Variants in KIRREL3 observed in about 807,000 individuals in gnomAD.
KIRREL3 encodes kin of IRRE-like protein 3.
KIRREL3 carries 36 observed loss-of-function variants against 89.7 expected under a neutral mutation model. That is an observed-to-expected ratio of 0.40 (90% CI 0.31 to 0.53). KIRREL3 has a LOEUF of 0.53. Among genes scored for constraint, KIRREL3 ranks in the 20% least tolerant of loss-of-function variants. The pLI, the probability that KIRREL3 is intolerant of heterozygous loss-of-function variation, is 0.49. For missense variants in KIRREL3, 864 were observed against 1,056.6 expected, an observed-to-expected ratio of 0.82 and a Z score of 2.53; for synonymous variants, 445 against 441.4, an observed-to-expected ratio of 1.01 and a Z score of -0.10.
intron 1 of KIRREL3, among the ~76,000 whole-genome samples, chr11:126,826,177 T>G (rs1181804966): frequency 6.6e-6 from 1 of 152,166 alleles, no homozygotes; most frequent in Non-Finnish European, 1.5e-5. Flanking sequence ...GTGTGGTCAT[T>G]AAGTTAACAC....
At chr11:126,722,199 C>A (rs543525879) in intron 1 of KIRREL3, among the ~76,000 whole-genome samples, 1 of 152,354 alleles carries the variant, frequency 6.6e-6, no homozygotes, top group African/African-American at 2.4e-5. Flanking sequence ...CAGTCATCAG[C>A]CCTTGGCTGA....
chr11:126,882,536 A>T (rs930047275), intron 1 of KIRREL3, among the ~76,000 whole-genome samples: 12 of 151,984 alleles, frequency 7.9e-5, no homozygotes, highest in African/African-American at 2.9e-4. Context: ...GTACAAAGAG[A>T]TAGTCTGGAG....
intron 1 of KIRREL3, among the ~76,000 whole-genome samples, chr11:126,680,632 A>G (rs1226868916): frequency 1.3e-5 from 2 of 152,126 alleles, no homozygotes; most frequent in Non-Finnish European, 2.9e-5. Context: ...TATCTGGAGT[A>G]ATTGCCTTAA....
At chr11:126,982,994 C>T (rs1284072214) in intron 1 of KIRREL3, among the ~76,000 whole-genome samples, 1 of 152,186 alleles carries the variant, frequency 6.6e-6, no homozygotes, top group African/African-American at 2.4e-5. Flanking sequence ...ATCTCTCCCC[C>T]ATGGGACCCA....
At chr11:126,894,269 C>T (rs747834631) in intron 1 of KIRREL3, among the ~76,000 whole-genome samples, 1 of 152,132 alleles carries the variant, frequency 6.6e-6, no homozygotes, top group Non-Finnish European at 1.5e-5. Flanking sequence ...TAAGTTTCTA[C>T]TCACTTGAAG....
chr11:126,424,395 CAG>C lies in KIRREL3; in HGVS notation c.*183_*184del. On this transcript the variant is annotated 3_prime_UTR_variant, in exon 17 of 17. Transcript: ENST00000525144. ...TCCCCACCCGCCCACCTCTGGCACACAGCACCTGGGGACCCAGATTTGTGCTT... is the reference window on the plus strand; with the variant it reads ...TCCCCACCCGCCCACCTCTGGCACACCACCTGGGGACCCAGATTTGTGCTT... 1 of 494,076 alleles carries C rather than the reference CAG, an allele frequency of 2.0e-6. No individual in the cohort carries two copies. The highest frequency in any genetic ancestry group is 3.7e-6 in the Non-Finnish European group (1 of 269,980). 30.6% of individuals were successfully genotyped at this position (494,076 alleles called of 1,614,324 possible). A position where few individuals can be genotyped will look rare whatever the true frequency, so the allele number is the denominator to read the frequency against.
chr11:126,769,458 C>T lies in KIRREL3; in HGVS notation c.56-206546G>A, dbSNP rs746309838. On this transcript the variant is annotated intron_variant, in intron 1 of 16. Coordinates refer to ENST00000525144, the MANE Select transcript of KIRREL3 (RefSeq NM_032531.4). This position sits in a 1 kb window ranked among gnomAD's most constrained non-coding sequence, Gnocchi z 4.3. The stretch of plus-strand genomic sequence containing the variant: ...AGATATTGCCATCAAGAAGAGGGGC[C>T]CACTCCCCGTGAAAACCGTGCACTC... Among the ~76,000 whole-genome samples the T allele has an allele frequency of 1.3e-5, 2 of 152,070 alleles. No homozygotes were observed. The highest frequency in any genetic ancestry group is 6.6e-5 in the Admixed American group (1 of 15,260).
rs1422934966 is a variant in KIRREL3 at position 126,574,879 on chromosome 11, C to A, written c.56-11967G>T. ...AGGAATGAATAGTACGAGAAAATACCTGGGTCCACACTGGCAATTCCTGGG... is the reference window on the plus strand; with the variant it reads ...AGGAATGAATAGTACGAGAAAATACATGGGTCCACACTGGCAATTCCTGGG... On this transcript the variant is annotated intron_variant, in intron 1 of 16. Coordinates refer to ENST00000525144, the MANE Select transcript of KIRREL3 (RefSeq NM_032531.4). This position sits in a 1 kb window ranked among gnomAD's most constrained non-coding sequence, Gnocchi z 5.3. Among the ~76,000 whole-genome samples, 1 of 152,168 alleles carries A rather than the reference C, an allele frequency of 6.6e-6. No individual in the cohort carries two copies. The highest frequency in any genetic ancestry group is 2.4e-5 in the African/African-American group (1 of 41,434).
At chr11:126,584,449 C>T (rs1388587835) in intron 1 of KIRREL3, among the ~76,000 whole-genome samples, 3 of 152,206 alleles carry the variant, frequency 2.0e-5, no homozygotes, top group Non-Finnish European at 2.9e-5. Flanking sequence ...GGATGGGCCC[C>T]TTTCTTCCCC....
intron 1 of KIRREL3, among the ~76,000 whole-genome samples, chr11:126,949,146 A>G (rs1948704677): frequency 6.6e-6 from 1 of 152,220 alleles, no homozygotes; most frequent in Non-Finnish European, 1.5e-5. Context: ...CTTTCTAAAT[A>G]TGAATTTGCT....
At position 126,705,086 on chromosome 11, in the gene KIRREL3, T is replaced by TAA. The variant is rs1280329952; in HGVS notation, c.56-142176_56-142175dup. ...GCTCAAGACATAGGTTTGGTTTTCT[T>TAA]AAAAAAAGGTTTTCTTAATTCAAAA... On this transcript the variant is annotated intron_variant, in intron 1 of 16. Transcript: ENST00000525144. The surrounding 1 kb of genome is among the most constrained non-coding windows in gnomAD (Gnocchi z 4.3). Among the ~76,000 whole-genome samples, 2 of 152,106 alleles carry TAA rather than the reference T, an allele frequency of 1.3e-5. No homozygotes were observed. The highest frequency in any genetic ancestry group is 4.8e-5 in the African/African-American group (2 of 41,412).
At chr11:126,451,117 G>GTGTGTGTGCATGTGCA (rs1265001487) in intron 7 of KIRREL3, among the ~76,000 whole-genome samples, 1 of 148,528 alleles carries the variant, frequency 6.7e-6, no homozygotes, top group African/African-American at 2.6e-5. Flanking sequence ...GTGTGCATGT[G>GTGTGTGTGCATGTGCA]TGTGTGTGCA....
chr11:126,758,674 T>C (rs1311350764), intron 1 of KIRREL3, among the ~76,000 whole-genome samples: 1 of 152,228 alleles, frequency 6.6e-6, no homozygotes, highest in Non-Finnish European at 1.5e-5. Context: ...TACGAACATC[T>C]AAATTATGAC....
rs1441986425 is a variant in KIRREL3, at chr11:126,876,502, C to T, written c.55+123953G>A. Among the ~76,000 whole-genome samples, 2 of 151,808 alleles carry T rather than the reference C, an allele frequency of 1.3e-5. No homozygotes were observed. The highest frequency in any genetic ancestry group is 2.9e-5 in the Non-Finnish European group (2 of 67,986). Reference sequence around the variant, plus strand: ...CACTGTTGCACCTGATACACCTATCCTAGTGCTTGGCTTACAGTACATACT... The same window carrying T: ...CACTGTTGCACCTGATACACCTATCTTAGTGCTTGGCTTACAGTACATACT... On this transcript the variant is annotated intron_variant, in intron 1 of 16. Coordinates refer to ENST00000525144, the MANE Select transcript of KIRREL3 (RefSeq NM_032531.4). This position sits in a 1 kb window ranked among gnomAD's most constrained non-coding sequence, Gnocchi z 4.1.
rs9326284 is a variant in KIRREL3, at chr11:126,748,143, G to C, written c.56-185231C>G. Among the ~76,000 whole-genome samples the C allele has an allele frequency of 0.56, 85,194 of 151,998 alleles. 24,603 individuals carry two copies. Among genetic ancestry groups the C allele is most frequent in the East Asian group, 0.96 (4,922 of 5,148 alleles). On this transcript the variant is annotated intron_variant, in intron 1 of 16. Transcript: ENST00000525144. This position sits in a 1 kb window ranked among gnomAD's most constrained non-coding sequence, Gnocchi z 4.6. Reference sequence around the variant, plus strand: ...GCTGAATTGTTTTTATGTTATTCCCGTTCCAGTGACTTCAGAGGTGGCCCA... The same window carrying C: ...GCTGAATTGTTTTTATGTTATTCCCCTTCCAGTGACTTCAGAGGTGGCCCA...
intron 1 of KIRREL3, among the ~76,000 whole-genome samples, chr11:126,700,038 A>T (rs548522663): frequency 6.6e-6 from 1 of 152,230 alleles, no homozygotes; most frequent in South Asian, 2.1e-4. Flanking sequence ...TACAAAAAAT[A>T]AAAAAATTCA....
intron 1 of KIRREL3, among the ~76,000 whole-genome samples, chr11:126,914,180 C>T (rs2134929383): frequency 6.6e-6 from 1 of 152,336 alleles, no homozygotes. Context: ...GGTGCTATGC[C>T]TGTGGCCAGG....
At chr11:126,505,830 A>G (rs1269407572) in intron 4 of KIRREL3, among the ~76,000 whole-genome samples, 1 of 152,248 alleles carries the variant, frequency 6.6e-6, no homozygotes, top group African/African-American at 2.4e-5. Flanking sequence ...GAGGCATTCC[A>G]TGTTCATGGA....
intron 1 of KIRREL3, among the ~76,000 whole-genome samples, chr11:126,857,300 T>C (rs1019199195): frequency 2.0e-5 from 3 of 152,244 alleles, no homozygotes; most frequent in African/African-American, 7.2e-5. Flanking sequence ...CTGCTGCCCT[T>C]GGGCCAGCCC....
Sources: gnomAD v4.1 joint callset for allele counts (sites outside exome capture counted in the v4.1 genomes callset) on GRCh38, gnomAD v4.1.1 for gene constraint, Gnocchi (gnomAD v3.1) non-coding constraint, MANE v1.5 for transcripts, NCBI Gene and HGNC (gene_info 2026-07-23, HGNC 2026-07-21) for gene names.